Variants in AGBL4 observed in about 807,000 individuals in gnomAD.
The protein encoded by AGBL4 is AGBL carboxypeptidase 4.
In AGBL4, 58 loss-of-function variants were observed where a neutral mutation model predicts 66.4. The ratio of observed to expected loss-of-function variants is 0.87; its 90% CI spans 0.71 to 1.09. The LOEUF (loss-of-function observed/expected upper bound fraction) is 1.09, where lower values mean the gene tolerates loss of function less well. Among genes scored for constraint, AGBL4 ranks in the 50% least tolerant of loss-of-function variants. The pLI is 0.00. For missense variants in AGBL4, 579 were observed against 631.0 expected (o/e 0.92, Z 0.88); for synonymous variants, 234 against 222.9 (o/e 1.05, Z -0.44).
intron 1 of AGBL4, among the ~76,000 whole-genome samples, chr1:49,926,843 T>C (rs1419646352): frequency 6.6e-6 from 1 of 152,116 alleles, no homozygotes; most frequent in East Asian, 1.9e-4. Context: ...TAGGGTTCAC[T>C]AGAGGGACAG....
At chr1:48,776,931 G>T (rs1055438757) in intron 6 of AGBL4, 1 of 619,086 alleles carries the variant, frequency 1.6e-6, no homozygotes. Context: ...TACGGTGCTG[G>T]GGGGGGCGGG....
intron 1 of AGBL4, among the ~76,000 whole-genome samples, chr1:50,009,960 A>C (rs1317085018): frequency 6.6e-6 from 1 of 152,188 alleles, no homozygotes; most frequent in Non-Finnish European, 1.5e-5. Flanking sequence ...AAAGCTCTCT[A>C]CAGTGAAAAC....
chr1:49,478,421 G>T (rs1410386953), intron 3 of AGBL4, among the ~76,000 whole-genome samples: 1 of 151,882 alleles, frequency 6.6e-6, no homozygotes, highest in Non-Finnish European at 1.5e-5. Flanking sequence ...AACCTTATAG[G>T]CCAGGAGAGA....
Position 48,971,097 on chromosome 1 carries a change from G to A in AGBL4, c.594+74487C>T, listed in dbSNP as rs1041358326. Among the ~76,000 whole-genome samples the A allele has an allele frequency of 2.0e-5, 3 of 152,088 alleles. No individual in the cohort carries two copies. The East Asian group carries it at 5.8e-4, about 29-fold the overall frequency. On this transcript the variant is annotated intron_variant, in intron 5 of 13. Coordinates refer to ENST00000371839, the MANE Select transcript of AGBL4 (RefSeq NM_032785.4). ...GTGTAACCTCTATTGTATATTCTAT[G>A]GCAGGGGTCCCCAAACCCCCAGCCT...
At chr1:48,776,768 G>A in intron 6 of AGBL4, 2 of 1,525,184 alleles carry the variant, frequency 1.3e-6, no homozygotes, top group Non-Finnish European at 1.8e-6. Context: ...CTGAAGTCGC[G>A]CACGCACGAC....
intron 9 of AGBL4, among the ~76,000 whole-genome samples, chr1:48,624,645 C>A (rs530199846): frequency 2.0e-5 from 3 of 152,256 alleles, no homozygotes; most frequent in African/African-American, 7.2e-5. Context: ...AAGCATCTGG[C>A]CCTGGCCAGG....
intron 3 of AGBL4, among the ~76,000 whole-genome samples, chr1:49,258,115 C>T (rs1194799219): frequency 6.6e-6 from 1 of 152,196 alleles, no homozygotes. Flanking sequence ...GAAAGGAAAA[C>T]TAACAAACAG....
At chr1:49,954,330 G>A (rs1050181157) in intron 1 of AGBL4, among the ~76,000 whole-genome samples, 1 of 151,994 alleles carries the variant, frequency 6.6e-6, no homozygotes, top group African/African-American at 2.4e-5. Flanking sequence ...TTAAGAGGTG[G>A]AACCTTTAAG....
chr1:48,555,128 G>T (rs191191013), intron 11 of AGBL4, among the ~76,000 whole-genome samples: 1 of 151,998 alleles, frequency 6.6e-6, no homozygotes, highest in Admixed American at 6.5e-5. Flanking sequence ...TAATATTGGA[G>T]ACACCCTGGA....
intron 4 of AGBL4, among the ~76,000 whole-genome samples, chr1:49,211,538 A>T (rs928898287): frequency 1.3e-5 from 2 of 152,156 alleles, no homozygotes; most frequent in Admixed American, 6.6e-5. Context: ...AACTAAAAAA[A>T]TACCTCAACA....
chr1:49,030,368 T>A (rs1194286865), intron 5 of AGBL4, among the ~76,000 whole-genome samples: 2 of 152,148 alleles, frequency 1.3e-5, no homozygotes, highest in Non-Finnish European at 2.9e-5. Flanking sequence ...AGACACTGGA[T>A]CTGCCAGCAA....
chr1:48,836,423 T>G (rs918842100), intron 6 of AGBL4, among the ~76,000 whole-genome samples: 1 of 151,978 alleles, frequency 6.6e-6, no homozygotes, highest in Non-Finnish European at 1.5e-5. Context: ...TTCTTTATAC[T>G]CCAAATGCCT....
chr1:49,820,171 T>C (rs1645333277), intron 2 of AGBL4, among the ~76,000 whole-genome samples: 2 of 152,184 alleles, frequency 1.3e-5, no homozygotes. Context: ...CATACACCTC[T>C]TGGAGTCTTA....
At chr1:49,853,165 C>T (rs1646347709) in intron 1 of AGBL4, among the ~76,000 whole-genome samples, 1 of 152,034 alleles carries the variant, frequency 6.6e-6, no homozygotes, top group East Asian at 1.9e-4. Flanking sequence ...GGACCAGACA[C>T]AGAAATGACC....
chr1:48,850,845 A>C (rs1307917560), intron 6 of AGBL4, among the ~76,000 whole-genome samples: 1 of 152,230 alleles, frequency 6.6e-6, no homozygotes, highest in African/African-American at 2.4e-5. Context: ...TTAGGAAGGC[A>C]GCTGAGAAAT....
At chr1:49,130,216 C>T (rs1358843341) in intron 4 of AGBL4, among the ~76,000 whole-genome samples, 2 of 152,108 alleles carry the variant, frequency 1.3e-5, no homozygotes, top group African/African-American at 2.4e-5. Flanking sequence ...GATATTAGCC[C>T]TTTGTCAGAT....
At chr1:48,570,508 G>A (rs1162543875) in intron 11 of AGBL4, among the ~76,000 whole-genome samples, 1 of 152,020 alleles carries the variant, frequency 6.6e-6, no homozygotes, top group Non-Finnish European at 1.5e-5. Flanking sequence ...CCTCATACAA[G>A]TTTGGTGACT....
rs34162300 is a variant in AGBL4 at position 49,240,551 on chromosome 1, C to CT, written c.377+5218dup. 3.1e-3 allele frequency among the ~76,000 whole-genome samples: 383 copies of CT among 123,690 alleles called. 10 individuals are homozygous for CT. The East Asian group carries it at 0.068, about 22-fold the overall frequency. 81.1% of individuals were successfully genotyped at this position (123,690 alleles called of 152,430 possible). On this transcript the variant is annotated intron_variant, in intron 4 of 13. Coordinates refer to ENST00000371839, the MANE Select transcript of AGBL4 (RefSeq NM_032785.4). The stretch of plus-strand genomic sequence containing the variant: ...CTTTGGTTTCATGACACTGCATTTT[C>CT]TTTTTTTTTTTTTTTTTTCCTATCT...
chr1:48,738,386 C>G (rs1649399371), intron 6 of AGBL4, among the ~76,000 whole-genome samples: 1 of 152,208 alleles, frequency 6.6e-6, no homozygotes, highest in African/African-American at 2.4e-5. Flanking sequence ...GAAAGATAAG[C>G]AGCCTTGGAG....
Sources: gnomAD v4.1 joint callset for allele counts (sites outside exome capture counted in the v4.1 genomes callset) on GRCh38, gnomAD v4.1.1 for gene constraint, MANE v1.5 for transcripts, NCBI Gene and HGNC (gene_info 2026-07-23, HGNC 2026-07-21) for gene names.